Variants in CAMK4 observed in about 807,000 individuals in gnomAD.
CAMK4 encodes calcium/calmodulin-dependent protein kinase type IV.
Under a neutral mutation model 44.9 loss-of-function variants are expected in CAMK4, and 22 were observed. The observed-to-expected ratio is 0.49, with a 90% CI of 0.35 to 0.70. The LOEUF (loss-of-function observed/expected upper bound fraction) is 0.70. Among genes scored for constraint, CAMK4 ranks in the 30% least tolerant of loss-of-function variants. CAMK4 has a pLI of 0.01. For missense variants in CAMK4, 498 were observed against 586.8 expected (o/e 0.85, Z 1.56); for synonymous variants, 218 against 215.4 (o/e 1.01, Z -0.11).
chr5:111,357,544 C>G (rs989882296), intron 2 of CAMK4, among the ~76,000 whole-genome samples: 3 of 69,474 alleles, frequency 4.3e-5, no homozygotes, highest in Non-Finnish European at 9.1e-5. Flanking sequence ...TTGCATATAT[C>G]CAGTCACTGT....
chr5:111,430,531 T>C (rs1329874215), intron 5 of CAMK4, among the ~76,000 whole-genome samples: 1 of 152,204 alleles, frequency 6.6e-6, no homozygotes, highest in African/African-American at 2.4e-5. Context: ...GTTTGCTGAT[T>C]ATATGATCTT....
chr5:111,440,584 C>T (rs1753789380), intron 5 of CAMK4, among the ~76,000 whole-genome samples: 1 of 134,506 alleles, frequency 7.4e-6, no homozygotes, highest in African/African-American at 2.5e-5. Flanking sequence ...AGTTATATTG[C>T]ATCATCTTGG....
intron 1 of CAMK4, among the ~76,000 whole-genome samples, chr5:111,308,582 A>G (rs1389975124): frequency 6.6e-6 from 1 of 152,240 alleles, no homozygotes; most frequent in Non-Finnish European, 1.5e-5. Flanking sequence ...AGATCAATCC[A>G]AAATGACAGC....
intron 9 of CAMK4, among the ~76,000 whole-genome samples, chr5:111,480,628 C>T (rs142155678): frequency 6.6e-4 from 100 of 152,032 alleles, no homozygotes; most frequent in African/African-American, 2.3e-3. Context: ...GATTTAAGTG[C>T]CCCCTTTGTC....
chr5:111,469,172 A>AAAAAAAAGAT (rs1561507432), intron 7 of CAMK4, among the ~76,000 whole-genome samples: 1 of 31,968 alleles, frequency 3.1e-5, no homozygotes, highest in Non-Finnish European at 5.6e-5. Context: ...AAAAAAAAAA[A>AAAAAAAAGAT]ATATATATAT....
intron 5 of CAMK4, among the ~76,000 whole-genome samples, chr5:111,413,486 AG>A (rs1365508762): frequency 6.6e-6 from 1 of 152,088 alleles, no homozygotes; most frequent in Non-Finnish European, 1.5e-5. Flanking sequence ...CTGAGGCAGA[AG>A]AATCACTTGA....
At chr5:111,425,154 C>A (rs1236628860) in intron 5 of CAMK4, among the ~76,000 whole-genome samples, 2 of 126,302 alleles carry the variant, frequency 1.6e-5, no homozygotes, top group African/African-American at 3.0e-5. Context: ...CAGACCAAGA[C>A]GCTGTCTTAA....
Position 111,349,417 on chromosome 5 carries a change from G to T in CAMK4, c.240+5315G>T, listed in dbSNP as rs2112766976. On this transcript the variant is annotated intron_variant, in intron 2 of 10. Coordinates refer to ENST00000282356, the MANE Select transcript of CAMK4 (RefSeq NM_001744.6). ...TAGAAAGATTTTATTAAGTTACTTT[G>T]GGTCTTTAAGGGATTTTGACAGACA... Among the ~76,000 whole-genome samples the T allele has an allele frequency of 2.0e-5, 3 of 152,066 alleles. No homozygotes were observed. In the South Asian group the frequency reaches 6.2e-4, roughly 32 times the overall value.
rs116166312 is a variant in CAMK4 at position 111,415,289 on chromosome 5, T to A, written c.459+20507T>A. Reference sequence around the variant, plus strand: ...TCCAGCATATCCATGCTGTATACCCTCATGCTCTTTCATCACTTAGCAGCC... The same window carrying A: ...TCCAGCATATCCATGCTGTATACCCACATGCTCTTTCATCACTTAGCAGCC... On this transcript the variant is annotated intron_variant, in intron 5 of 10. Coordinates refer to ENST00000282356, the MANE Select transcript of CAMK4 (RefSeq NM_001744.6). 5.9e-3 allele frequency among the ~76,000 whole-genome samples: 897 copies of A among 152,328 alleles called. 8 individuals carry two copies. The highest frequency in any genetic ancestry group is 0.02 in the African/African-American group (852 of 41,576).
chr5:111,404,476 C>G (rs898439896), intron 5 of CAMK4, among the ~76,000 whole-genome samples: 1 of 152,162 alleles, frequency 6.6e-6, no homozygotes, highest in African/African-American at 2.4e-5. Context: ...TTGCTTATCT[C>G]AAGGTCAATG....
At position 111,484,141 on chromosome 5, in the gene CAMK4, A is replaced by G. The variant is rs779246352; in HGVS notation, c.1097A>G (p.Asn366Ser). 1 of 1,614,230 alleles carries G rather than the reference A, an allele frequency of 6.2e-7. No homozygotes were observed. The highest frequency in any genetic ancestry group is 1.1e-5 in the South Asian group (1 of 91,084). ...GACCCTTCTCCAATCCAAGATGGCA[A>G]CGAGGACATGAAAGCTATTCCAGAA... ...SRDPSPIQDG[N>S]EDMKAIPEGE... The change falls in exon 11 of 11, where the codon AAC becomes AGC. Residue 366 changes from asparagine (N) to serine (S), a missense_variant. Asn to Ser is a conservative substitution (Grantham distance 46). This residue lies in a region of CAMK4 where 143 missense variants were observed against 144.9 expected (regional missense o/e 0.99). Coordinates refer to ENST00000282356, the MANE Select transcript of CAMK4 (RefSeq NM_001744.6). This position sits in a 1 kb window ranked among gnomAD's most constrained non-coding sequence, Gnocchi z 5.3.
intron 4 of CAMK4, among the ~76,000 whole-genome samples, chr5:111,381,138 G>T (rs1751397042): frequency 6.6e-6 from 1 of 152,144 alleles, no homozygotes; most frequent in African/African-American, 2.4e-5. Context: ...TGGCAGGTTT[G>T]CTTTGCTGGG....
At chr5:111,434,460 C>T (rs1039653350) in intron 5 of CAMK4, among the ~76,000 whole-genome samples, 25 of 152,290 alleles carry the variant, frequency 1.6e-4, no homozygotes, top group Middle Eastern at 3.4e-3. Context: ...GACTCCAAAA[C>T]AAGTAAGAAT....
chr5:111,438,596 T>C (rs879549962), intron 5 of CAMK4, among the ~76,000 whole-genome samples: 5 of 152,134 alleles, frequency 3.3e-5, no homozygotes, highest in Middle Eastern at 3.2e-3. Context: ...TCATGTATAC[T>C]CCTTTATGCT....
chr5:111,341,479 G>A (rs1171614559), intron 1 of CAMK4, among the ~76,000 whole-genome samples: 1 of 150,688 alleles, frequency 6.6e-6, no homozygotes, highest in Non-Finnish European at 1.5e-5. Flanking sequence ...TCACCGAATT[G>A]CCTTTTTACC....
intron 5 of CAMK4, among the ~76,000 whole-genome samples, chr5:111,398,554 G>A (rs1472790759): frequency 6.6e-6 from 1 of 152,152 alleles, no homozygotes; most frequent in East Asian, 1.9e-4. Flanking sequence ...TCTGTTGTTT[G>A]TCAGAAAACC....
intron 2 of CAMK4, among the ~76,000 whole-genome samples, chr5:111,359,203 C>G (rs1750500919): frequency 1.3e-5 from 2 of 152,074 alleles, no homozygotes; most frequent in African/African-American, 4.8e-5. Flanking sequence ...ATGAGTGTTC[C>G]CTTTCCTCCA....
rs77735877 is a variant in CAMK4 at position 111,428,837 on chromosome 5, C to G, written c.460-17849C>G. On this transcript the variant is annotated intron_variant, in intron 5 of 10. Transcript: ENST00000282356. ...CAAACCTAGAGAAAGATATCAATAT[C>G]CAAGTACAAGGAGGTTATAGAATAC... Among the ~76,000 whole-genome samples, 63 of 152,176 alleles carry G rather than the reference C, an allele frequency of 4.1e-4. No homozygotes were observed. The East Asian group carries it at 8.5e-3, about 21-fold the overall frequency.
intron 4 of CAMK4, among the ~76,000 whole-genome samples, chr5:111,393,558 A>C (rs1751886877): frequency 6.6e-6 from 1 of 152,142 alleles, no homozygotes; most frequent in Non-Finnish European, 1.5e-5. Flanking sequence ...CATAAAAAGA[A>C]ATGAGATCAT....
Sources: allele counts gnomAD v4.1 joint callset (sites outside exome capture counted in the v4.1 genomes callset), GRCh38; gene constraint gnomAD v4.1.1; regional missense constraint gnomAD v4.1.1; non-coding constraint Gnocchi (gnomAD v3.1); transcripts MANE v1.5; gene names NCBI Gene and HGNC (gene_info 2026-07-23, HGNC 2026-07-21).